Variants in PRDM2 observed in about 807,000 individuals in gnomAD.
The protein encoded by PRDM2 is PR/SET domain 2.
PRDM2 carries 30 observed loss-of-function variants against 130.0 expected under a neutral mutation model. The observed-to-expected ratio is 0.23, with a 90% CI of 0.17 to 0.31. PRDM2 has a LOEUF of 0.31. Among genes scored for constraint, PRDM2 ranks in the 10% least tolerant of loss-of-function variants. PRDM2 has a pLI of 1.00. For synonymous variants in PRDM2, 871 were observed against 782.4 expected (o/e 1.11, Z -1.89); for missense variants, 2,011 against 2,108.4 (o/e 0.95, Z 0.90).
At chr1:13,822,691 C>T (rs61211720) in intron 9 of PRDM2, among the ~76,000 whole-genome samples, 6,712 of 152,020 alleles carry the variant, frequency 0.044, 492 homozygotes, top group African/African-American at 0.15. Context: ...CGCGCCTGGC[C>T]GAGGTGGTGT....
At chr1:13,756,492 GT>G (rs1235030852) in intron 6 of PRDM2, among the ~76,000 whole-genome samples, 2 of 152,114 alleles carry the variant, frequency 1.3e-5, no homozygotes, top group African/African-American at 4.8e-5. Context: ...GGCTCAGAGT[GT>G]TTTATTAATA....
chr1:13,776,826 G>C (rs1226847019), intron 7 of PRDM2, among the ~76,000 whole-genome samples: 5 of 152,052 alleles, frequency 3.3e-5, no homozygotes, highest in African/African-American at 7.3e-5. Context: ...CTCAGTCGTG[G>C]AGTCATCTGG....
chr1:13,799,172 G>A (rs543059989), intron 8 of PRDM2, among the ~76,000 whole-genome samples: 15 of 152,284 alleles, frequency 9.9e-5, no homozygotes, highest in African/African-American at 3.6e-4. Context: ...GGCCGGGCGC[G>A]GTGGCTCACG....
In PRDM2 at chr1:13,785,096, C is replaced by T. The variant is rs117922285; in HGVS notation, c.5036+2265C>T. Among the ~76,000 whole-genome samples the T allele has an allele frequency of 9.0e-4, 137 of 152,304 alleles. 1 individual carries two copies. The highest frequency in any genetic ancestry group is 4.6e-3 in the East Asian group (24 of 5,190). ...TGGGTAATATGATGATTGTCATTAA[C>T]GTGTTGCCCAGGGCTCGTAGAGAGG... On this transcript the variant is annotated intron_variant, in intron 8 of 9. Coordinates refer to ENST00000311066, the MANE Select transcript of PRDM2 (RefSeq NM_001393986.1).
Position 13,781,636 on chromosome 1 carries a change from A to C in PRDM2, c.3841A>C (p.Lys1281Gln). The C allele has an allele frequency of 6.2e-7, 1 of 1,613,894 alleles. No homozygotes were observed. Among genetic ancestry groups the C allele is most frequent in the South Asian group, 1.1e-5 (1 of 91,074 alleles). Residue 1281 changes from lysine to glutamine, a missense_variant, in exon 8 of 10, where the codon AAG (lysine) becomes CAG (glutamine). By Grantham distance (53) the Lys-to-Gln change is moderately conservative. Transcript: ENST00000311066. This position sits in a 1 kb window ranked among gnomAD's most constrained non-coding sequence, Gnocchi z 6.1. The stretch of plus-strand genomic sequence containing the variant: ...TATAAAAATAATGGCTTCTGGAATA[A>C]AGACAAAAGATCCAGATGTTCGATT... ...TTIKIMASGI[K>Q]TKDPDVRLGL... is the part of the protein sequence containing the mutation.
intron 8 of PRDM2, among the ~76,000 whole-genome samples, chr1:13,783,952 C>T (rs946057004): frequency 1.3e-5 from 2 of 152,174 alleles, no homozygotes; most frequent in Admixed American, 6.5e-5. Context: ...CACGAGGACA[C>T]AGAGGTGCCA....
intron 8 of PRDM2, among the ~76,000 whole-genome samples, chr1:13,789,720 A>C (rs1241611925): frequency 5.9e-5 from 9 of 152,212 alleles, no homozygotes; most frequent in Admixed American, 5.9e-4. Context: ...TGAATCCATA[A>C]AAAAAATCAT....
chr1:13,780,379 G>T lies in PRDM2; in HGVS notation c.2584G>T (p.Gly862Cys), dbSNP rs1408891862. ...TAAAAAGCATTGTAGTGACTCTGAA[G>T]GCAAGGAATTCAAAGAAAGTCATTC... ...VHKKHCSDSE[G>C]KEFKESHSVQ... The change falls in exon 8 of 10, where the codon GGC (glycine) becomes TGC (cysteine). Residue 862 changes from glycine to cysteine, a missense_variant. By Grantham distance (159) the Gly-to-Cys change is radical. Coordinates refer to ENST00000311066, the MANE Select transcript of PRDM2 (RefSeq NM_001393986.1). 6.2e-7 allele frequency: 1 copy of T among 1,614,172 alleles called. No individual in the cohort carries two copies. Among genetic ancestry groups the T allele is most frequent in the South Asian group, 1.1e-5 (1 of 91,076 alleles).
chr1:13,723,551 C>T (rs1026931010), intron 2 of PRDM2, among the ~76,000 whole-genome samples: 1 of 152,252 alleles, frequency 6.6e-6, no homozygotes, highest in Non-Finnish European at 1.5e-5. Context: ...TGACCACCCT[C>T]ACTTCCTGGA....
intron 6 of PRDM2, among the ~76,000 whole-genome samples, chr1:13,762,462 G>T (rs1644122446): frequency 6.6e-6 from 1 of 152,192 alleles, no homozygotes; most frequent in Non-Finnish European, 1.5e-5. Flanking sequence ...GGAGACACAG[G>T]AACCTGCTGG....
At chr1:13,708,871 C>T (rs1344706373) in intron 1 of PRDM2, among the ~76,000 whole-genome samples, 14 of 152,186 alleles carry the variant, frequency 9.2e-5, no homozygotes, top group Non-Finnish European at 2.9e-5. Context: ...TGCGCAGTCT[C>T]TCTCCACACA....
At position 13,742,090 on chromosome 1, in the gene PRDM2, G is replaced by T; in HGVS notation, c.317G>T (p.Cys106Phe). 6.2e-7 allele frequency: 1 copy of T among 1,613,100 alleles called. No individual in the cohort carries two copies. Among genetic ancestry groups the T allele is most frequent in the South Asian group, 1.1e-5 (1 of 91,066 alleles). Reference sequence around the variant, plus strand: ...TGGCTGCGATATGTGAATTGGGCTTGCTCAGGAGAAGAGCAAAATTTATTC... The same window carrying T: ...TGGCTGCGATATGTGAATTGGGCTTTCTCAGGAGAAGAGCAAAATTTATTC... ...GNWLRYVNWA[C>F]SGEEQNLFPL... The change falls in exon 5 of 10, where the codon TGC becomes TTC. Residue 106 changes from cysteine to phenylalanine, a missense_variant. Physicochemically the swap from Cys to Phe is radical, Grantham distance 205. Around this residue, in one of 5 missense-constraint regions of PRDM2, gnomAD observed 1,288 missense variants for 1,237.7 expected, o/e 1.04. Transcript: ENST00000311066.
At chr1:13,713,396 A>T (rs901897956) in intron 1 of PRDM2, among the ~76,000 whole-genome samples, 1 of 152,196 alleles carries the variant, frequency 6.6e-6, no homozygotes, top group African/African-American at 2.4e-5. Flanking sequence ...TGACCGAATT[A>T]TCTTAAGCTC....
intron 8 of PRDM2, among the ~76,000 whole-genome samples, chr1:13,790,363 A>C (rs374040724): frequency 1.7e-3 from 259 of 152,288 alleles, no homozygotes; most frequent in African/African-American, 5.8e-3. Flanking sequence ...GGGGCCGTGC[A>C]TCTGGCGTTG....
At position 13,731,095 on chromosome 1, in the gene PRDM2, T is replaced by G; in HGVS notation, c.105T>G (p.Ser35=). The change falls in exon 3 of 10, where the codon TCT becomes TCG. Residue 35 remains serine, a synonymous_variant. Coordinates refer to ENST00000311066, the MANE Select transcript of PRDM2 (RefSeq NM_001393986.1). The part of the protein sequence containing the change: ...GLPEEVRLFP[S]AVDKTRIGVW... ...CGGAGGAAGTGAGGCTTTTCCCTTC[T>G]GCTGTTGACAAGACCCGGATTGGTG... 1 of 1,612,690 alleles carries G rather than the reference T, an allele frequency of 6.2e-7. No homozygotes were observed. The highest frequency in any genetic ancestry group is 8.5e-7 in the Non-Finnish European group (1 of 1,179,494).
At chr1:13,701,155 A>G (rs1423817423) in intron 1 of PRDM2, among the ~76,000 whole-genome samples, 6 of 152,212 alleles carry the variant, frequency 3.9e-5, no homozygotes, top group Non-Finnish European at 8.8e-5. Context: ...TTCCCCTAAC[A>G]GAAATTTCGT....
At chr1:13,816,198 G>A (rs975936573) in intron 8 of PRDM2, among the ~76,000 whole-genome samples, 2 of 152,264 alleles carry the variant, frequency 1.3e-5, no homozygotes, top group African/African-American at 4.8e-5. Flanking sequence ...TTCTGCGATC[G>A]CCTCCGAGGG....
At chr1:13,742,953 G>A (rs1455894490) in intron 5 of PRDM2, among the ~76,000 whole-genome samples, 1 of 147,344 alleles carries the variant, frequency 6.8e-6, no homozygotes, top group African/African-American at 2.4e-5. Flanking sequence ...GATATTAATT[G>A]TTGAAAAGAA....
chr1:13,720,896 A>G (rs1039476597), intron 2 of PRDM2, among the ~76,000 whole-genome samples: 7 of 152,222 alleles, frequency 4.6e-5, no homozygotes, highest in Admixed American at 2.0e-4. Context: ...TAAGCTGCAT[A>G]CAGTAAAAGG....
Sources: allele counts gnomAD v4.1 joint callset (sites outside exome capture counted in the v4.1 genomes callset), GRCh38; gene constraint gnomAD v4.1.1; regional missense constraint gnomAD v4.1.1; non-coding constraint Gnocchi (gnomAD v3.1); transcripts MANE v1.5; gene names NCBI Gene and HGNC (gene_info 2026-07-23, HGNC 2026-07-21).